Variants in DMD observed in about 807,000 individuals in gnomAD.
DMD encodes dystrophin.
A neutral mutation model predicts 330.1 loss-of-function variants in DMD; 63 were observed. That is an observed-to-expected ratio of 0.19 (90% CI 0.16 to 0.24). The LOEUF is 0.24. Ranked by LOEUF, DMD falls within the 10% of genes least tolerant of loss-of-function variation. DMD has a pLI of 1.00. For missense variants in DMD, 3,344 were observed against 2,684.1 expected, an observed-to-expected ratio of 1.25 and a Z score of -5.43; for synonymous variants, 1,223 against 959.8, an observed-to-expected ratio of 1.27 and a Z score of -5.07.
At chrX:33,119,561 G>C (rs769695422) in intron 1 of DMD, among the ~76,000 whole-genome samples, 1 of 112,357 alleles carries the variant, frequency 8.9e-6, no homozygotes, top group Non-Finnish European at 1.9e-5. Flanking sequence ...ACAGAGACTG[G>C]CATTTGAGAA....
At position 31,836,786 on chromosome X, in the gene DMD, C is replaced by T. The variant is rs1482902676; in HGVS notation, c.7132G>A (p.Asp2378Asn). The T allele has an allele frequency of 3.3e-6, 4 of 1,211,454 alleles. No homozygotes were observed. Residue 2378 changes from aspartate (D) to asparagine (N), a missense_variant, in exon 49 of 79, where the codon GAT becomes AAT. Asp to Asn is a conservative substitution (Grantham distance 23). Transcript: ENST00000357033. ...TEIAVQAKQP[D>N]VEEILSKGQH... ...CCTTTAGACAAAATCTCTTCCACAT[C>T]CGGTTGTTTAGCTTGAACTGCTATT...
chrX:31,188,220 G>T (rs1158076122), intron 67 of DMD, among the ~76,000 whole-genome samples: 1 of 111,633 alleles, frequency 9.0e-6, no homozygotes, highest in East Asian at 2.8e-4. Context: ...AAACTACTCT[G>T]TATCCTAGTG....
chrX:31,622,875 TATACAC>T (rs1359672043), intron 55 of DMD, among the ~76,000 whole-genome samples: 6 of 80,525 alleles, frequency 7.5e-5, no homozygotes, highest in African/African-American at 1.4e-4. Flanking sequence ...TATATATATA[TATACAC>T]ACACACACAC....
chrX:31,409,333 C>T lies in DMD; in HGVS notation c.9084+35148G>A, dbSNP rs1384866179. Among the ~76,000 whole-genome samples the T allele has an allele frequency of 6.2e-5, 7 of 112,147 alleles. No individual in the cohort carries two copies. The Admixed American group carries it at 6.6e-4, about 11-fold the overall frequency. ...GGTATACAGGATCATAGCACTTTTG[C>T]TTAAGTGAATTGACTTATTTCTTGT... is the stretch of plus-strand genomic sequence containing the variant. On this transcript the variant is annotated intron_variant, in intron 60 of 78. Coordinates refer to ENST00000357033, the MANE Select transcript of DMD (RefSeq NM_004006.3).
chrX:32,932,155 T>C (rs2089645035), intron 2 of DMD, among the ~76,000 whole-genome samples: 1 of 112,352 alleles, frequency 8.9e-6, no homozygotes, highest in Non-Finnish European at 1.9e-5. Flanking sequence ...ATCAGTTTCC[T>C]TATTGATATG....
At position 32,459,680 on chromosome X, in the gene DMD, A is replaced by T. The variant is rs188702463; in HGVS notation, c.3432+3759T>A. ...TGACCTACAATGTAGCTCATAACAG[A>T]AATATATCTGAAAACACTTTGATTC... On this transcript the variant is annotated intron_variant, in intron 25 of 78. Coordinates refer to ENST00000357033, the MANE Select transcript of DMD (RefSeq NM_004006.3). 3.0e-4 allele frequency among the ~76,000 whole-genome samples: 33 copies of T among 111,135 alleles called. No homozygotes were observed. In the East Asian group the frequency reaches 8.3e-3, roughly 28 times the overall value.
chrX:32,822,589 G>C (rs967164887), intron 5 of DMD, among the ~76,000 whole-genome samples: 2 of 109,584 alleles, frequency 1.8e-5, no homozygotes, highest in Non-Finnish European at 3.8e-5. Flanking sequence ...GTGTGGATAT[G>C]AGTGTGTATA....
chrX:32,559,875 G>A (rs1056565735), intron 16 of DMD, among the ~76,000 whole-genome samples: 1 of 111,093 alleles, frequency 9.0e-6, no homozygotes, highest in Non-Finnish European at 1.9e-5. Context: ...GATATAGAAG[G>A]TACACATAAT....
intron 45 of DMD, among the ~76,000 whole-genome samples, chrX:31,943,305 A>T (rs2095032409): frequency 8.9e-6 from 1 of 112,395 alleles, no homozygotes; most frequent in Non-Finnish European, 1.9e-5. Flanking sequence ...TAATCTCTAT[A>T]AACCAGTGGT....
rs747247998 is a variant in DMD, at chrX:31,494,003, A to C, written c.8547+2785T>G. On this transcript the variant is annotated intron_variant, in intron 57 of 78. Transcript: ENST00000357033. ...GAAACCCTGTCTCTACTAAAAATAC[A>C]AACATTAGGTGGGCATGGTGGCGCG... Among the ~76,000 whole-genome samples, 8 of 109,759 alleles carry C rather than the reference A, an allele frequency of 7.3e-5. No homozygotes were observed. The South Asian group carries it at 2.8e-3, about 39-fold the overall frequency.
At chrX:32,691,227 G>C (rs1026947003) in intron 9 of DMD, among the ~76,000 whole-genome samples, 1 of 109,928 alleles carries the variant, frequency 9.1e-6, no homozygotes, top group East Asian at 2.8e-4. Flanking sequence ...TCAGGGCTTA[G>C]GTAAGATTTT....
At chrX:31,549,356 G>A (rs1006905100) in intron 55 of DMD, among the ~76,000 whole-genome samples, 3 of 111,004 alleles carry the variant, frequency 2.7e-5, no homozygotes, top group Non-Finnish European at 5.7e-5. Context: ...TTTAGAATGT[G>A]AAAGAATGGC....
intron 20 of DMD, among the ~76,000 whole-genome samples, chrX:32,485,801 T>A (rs2042398718): frequency 1.1e-5 from 1 of 89,814 alleles, no homozygotes; most frequent in South Asian, 7.0e-4. Flanking sequence ...TGGAGTGCAA[T>A]GACGCGATCT....
At chrX:32,631,574 T>A (rs771113530) in intron 11 of DMD, among the ~76,000 whole-genome samples, 91 of 111,801 alleles carry the variant, frequency 8.1e-4, no homozygotes, top group African/African-American at 2.8e-3. Flanking sequence ...CTGCAGGTTG[T>A]CCCTGAGACA....
intron 44 of DMD, among the ~76,000 whole-genome samples, chrX:32,017,220 G>T (rs778604765): frequency 6.2e-4 from 69 of 111,695 alleles, no homozygotes; most frequent in Admixed American, 6.0e-3. Flanking sequence ...GATAAGTAAA[G>T]GGAAAAATAC....
intron 63 of DMD, among the ~76,000 whole-genome samples, chrX:31,260,636 G>A (rs964361920): frequency 1.0e-4 from 11 of 108,833 alleles, no homozygotes; most frequent in Non-Finnish European, 1.9e-4. Context: ...TTCTATCTTC[G>A]TGGGAAGAAA....
intron 2 of DMD, among the ~76,000 whole-genome samples, chrX:32,936,467 A>C (rs2090029934): frequency 8.9e-6 from 1 of 111,763 alleles, no homozygotes; most frequent in African/African-American, 3.3e-5. Context: ...TTTAAAAGCC[A>C]ACAATTCCCT....
chrX:32,186,570 A>G (rs939962976), intron 44 of DMD, among the ~76,000 whole-genome samples: 1 of 111,572 alleles, frequency 9.0e-6, no homozygotes, highest in Admixed American at 9.5e-5. Flanking sequence ...GTAATCAACA[A>G]TTTTGATTCT....
chrX:32,904,875 C>G (rs2149314729), intron 2 of DMD, among the ~76,000 whole-genome samples: 1 of 112,008 alleles, frequency 8.9e-6, no homozygotes, highest in African/African-American at 3.2e-5. Flanking sequence ...TGCACTCAGC[C>G]CATAATGTTT....
Sources: allele counts gnomAD v4.1 joint callset (sites outside exome capture counted in the v4.1 genomes callset), GRCh38; gene constraint gnomAD v4.1.1; transcripts MANE v1.5; gene names NCBI Gene and HGNC (gene_info 2026-07-23, HGNC 2026-07-21).